The following LRRN1 variants were observed in gnomAD, a reference collection of about 807,000 sequenced individuals.
LRRN1 encodes leucine-rich repeat neuronal protein 1.
LRRN1 carries 14 observed loss-of-function variants against 45.8 expected under a neutral mutation model. The ratio of observed to expected loss-of-function variants is 0.31; its 90% CI spans 0.20 to 0.48. LRRN1 has a LOEUF of 0.48. LRRN1 is among the 20% of genes least tolerant of loss of function. The pLI is 0.99. For synonymous variants in LRRN1, 359 were observed against 330.1 expected (o/e 1.09, Z -0.95); for missense variants, 789 against 874.2 (o/e 0.90, Z 1.23).
chr3:3,841,066 G>A (rs991971295), intron 1 of LRRN1, among the ~76,000 whole-genome samples: 1 of 152,122 alleles, frequency 6.6e-6, no homozygotes, highest in African/African-American at 2.4e-5. Flanking sequence ...TTGGGAGGCC[G>A]AAGTGGACGG....
chr3:3,807,976 G>A (rs755109888), intron 1 of LRRN1, among the ~76,000 whole-genome samples: 3 of 152,168 alleles, frequency 2.0e-5, no homozygotes. Context: ...GAAAAATGTA[G>A]GTCACTTCAA....
At chr3:3,815,813 CT>C (rs1196849011) in intron 1 of LRRN1, among the ~76,000 whole-genome samples, 3 of 152,096 alleles carry the variant, frequency 2.0e-5, no homozygotes, top group African/African-American at 7.2e-5. Context: ...ATCAAAAACT[CT>C]ACAGAAATTT....
chr3:3,834,454 A>C (rs1693441391), intron 1 of LRRN1, among the ~76,000 whole-genome samples: 1 of 139,820 alleles, frequency 7.2e-6, no homozygotes, highest in African/African-American at 2.6e-5. Flanking sequence ...CCATCCTTTA[A>C]TATTCTGTTC....
At chr3:3,800,690 C>T (rs1692631400) in intron 1 of LRRN1, 1 of 57,912 alleles carries the variant, frequency 1.7e-5, no homozygotes, top group African/African-American at 4.1e-5. Context: ...GAGCTCCACG[C>T]GGGGACAGAC....
intron 1 of LRRN1, among the ~76,000 whole-genome samples, chr3:3,801,891 T>G (rs1354557499): frequency 6.6e-6 from 1 of 152,236 alleles, no homozygotes; most frequent in Non-Finnish European, 1.5e-5. Flanking sequence ...ATTTCTGAAT[T>G]GACCCCTCAA....
intron 1 of LRRN1, among the ~76,000 whole-genome samples, chr3:3,835,392 T>C (rs1006779109): frequency 1.3e-5 from 2 of 152,190 alleles, no homozygotes; most frequent in African/African-American, 4.8e-5. Flanking sequence ...ACTCACAGTA[T>C]GGTTTCTACT....
intron 1 of LRRN1, chr3:3,827,308 C>T (rs1693243880): frequency 3.1e-6 from 1 of 317,996 alleles, no homozygotes; most frequent in Non-Finnish European, 6.5e-6. Flanking sequence ...TAACTTTATG[C>T]TATACTCTTG....
At chr3:3,828,011 A>G (rs1693262745) in intron 1 of LRRN1, among the ~76,000 whole-genome samples, 1 of 152,028 alleles carries the variant, frequency 6.6e-6, no homozygotes, top group African/African-American at 2.4e-5. Flanking sequence ...CAATAACAAG[A>G]TGAAAATGAA....
intron 1 of LRRN1, among the ~76,000 whole-genome samples, chr3:3,837,499 C>A (rs189410457): frequency 6.7e-4 from 102 of 152,208 alleles, no homozygotes; most frequent in Non-Finnish European, 7.4e-5. Flanking sequence ...CTGGTTGGTC[C>A]ATTTTCTACC....
intron 1 of LRRN1, among the ~76,000 whole-genome samples, chr3:3,836,448 T>G (rs562624850): frequency 7.7e-4 from 118 of 152,346 alleles, no homozygotes; most frequent in African/African-American, 2.4e-3. Context: ...CACGCTATTG[T>G]GAATGGCTTA....
intron 1 of LRRN1, among the ~76,000 whole-genome samples, chr3:3,833,830 A>C (rs1255710857): frequency 6.6e-6 from 1 of 152,138 alleles, no homozygotes. Flanking sequence ...TTCTGGCAAA[A>C]AAGGTGCATC....
At chr3:3,817,122 C>T (rs1165242303) in intron 1 of LRRN1, among the ~76,000 whole-genome samples, 1 of 152,158 alleles carries the variant, frequency 6.6e-6, no homozygotes, top group Non-Finnish European at 1.5e-5. Context: ...GCACCTTTCA[C>T]AGTTTCTGTT....
chr3:3,845,092 A>C lies in LRRN1; in HGVS notation c.451A>C (p.Asn151His), dbSNP rs762549069. The stretch of plus-strand genomic sequence containing the variant: ...CAGCAACCTTCAAGAACTCTACATC[A>C]ACCACAACCAAATTAGCACTATTTC... ...DLSNLQELYI[N>H]HNQISTISAH... The change falls in exon 2 of 2, where the codon AAC (asparagine) becomes CAC (histidine). Residue 151 changes from asparagine to histidine, a missense_variant. Coordinates refer to ENST00000319331, the MANE Select transcript of LRRN1 (RefSeq NM_020873.7). This position sits in a 1 kb window ranked among gnomAD's most constrained non-coding sequence, Gnocchi z 6.5. 1.9e-6 allele frequency: 3 copies of C among 1,614,146 alleles called. No individual in the cohort carries two copies. The highest frequency in any genetic ancestry group is 2.5e-6 in the Non-Finnish European group (3 of 1,179,996).
rs1693762883 is a variant in LRRN1, at chr3:3,845,840, C to T, written c.1199C>T (p.Ala400Val). 2 of 1,614,092 alleles carry T rather than the reference C, an allele frequency of 1.2e-6. No individual in the cohort carries two copies. The highest frequency in any genetic ancestry group is 1.7e-6 in the Non-Finnish European group (2 of 1,180,012). Residue 400 changes from alanine (A) to valine (V), a missense_variant, in exon 2 of 2, where the codon GCC becomes GTC. Transcript: ENST00000319331. The surrounding 1 kb of genome is among the most constrained non-coding windows in gnomAD (Gnocchi z 6.5). ...ATGGAGCCCCTGTCCATGTTCTGTGCCATGCCGCCCGAATATAAAGGGCAC... is the reference window on the plus strand; with the variant it reads ...ATGGAGCCCCTGTCCATGTTCTGTGTCATGCCGCCCGAATATAAAGGGCAC... ...RFMEPLSMFC[A>V]MPPEYKGHQV...
intron 1 of LRRN1, among the ~76,000 whole-genome samples, chr3:3,823,894 A>C (rs1393885352): frequency 6.6e-6 from 1 of 152,188 alleles, no homozygotes; most frequent in East Asian, 1.9e-4. Flanking sequence ...CAAAGCATCA[A>C]ATACTCAATA....
At chr3:3,821,968 CA>C (rs1040975510) in intron 1 of LRRN1, among the ~76,000 whole-genome samples, 5 of 152,168 alleles carry the variant, frequency 3.3e-5, no homozygotes, top group African/African-American at 9.7e-5. Context: ...TGCACACTCT[CA>C]TATGGCATAT....
At chr3:3,801,967 C>T (rs771628082) in intron 1 of LRRN1, among the ~76,000 whole-genome samples, 4 of 152,166 alleles carry the variant, frequency 2.6e-5, no homozygotes, top group Non-Finnish European at 4.4e-5. Flanking sequence ...CAGAGCTATT[C>T]ATTATAGTAG....
At chr3:3,828,153 T>A (rs74609765) in intron 1 of LRRN1, among the ~76,000 whole-genome samples, 12 of 138,650 alleles carry the variant, frequency 8.7e-5, no homozygotes, top group East Asian at 6.8e-4. Context: ...TATATATATA[T>A]TATATATATA....
chr3:3,818,407 T>C (rs1417014173), intron 1 of LRRN1, among the ~76,000 whole-genome samples: 1 of 152,218 alleles, frequency 6.6e-6, no homozygotes, highest in East Asian at 1.9e-4. Flanking sequence ...TGTTGGTTGA[T>C]GTTTTGTTCT....
Sources: gnomAD v4.1 joint callset for allele counts (sites outside exome capture counted in the v4.1 genomes callset) on GRCh38, gnomAD v4.1.1 for gene constraint, Gnocchi (gnomAD v3.1) non-coding constraint, MANE v1.5 for transcripts, NCBI Gene and HGNC (gene_info 2026-07-23, HGNC 2026-07-21) for gene names.